The following NAV2 variants were observed in gnomAD, a reference collection of about 807,000 sequenced individuals.
The protein encoded by NAV2 is helicase, APC down-regulated 1.
NAV2 carries 54 observed loss-of-function variants against 223.2 expected under a neutral mutation model. That is an observed-to-expected ratio of 0.24 (90% CI 0.19 to 0.30). The LOEUF (loss-of-function observed/expected upper bound fraction) is 0.30, where lower values mean the gene tolerates loss of function less well. Among genes scored for constraint, NAV2 ranks in the 10% least tolerant of loss-of-function variants. The pLI is 1.00. For missense variants in NAV2, 2,806 were observed against 3,147.5 expected (o/e 0.89, Z 2.60); for synonymous variants, 1,279 against 1,239.3 (o/e 1.03, Z -0.67).
chr11:19,473,915 T>C (rs1028700621), intron 1 of NAV2, among the ~76,000 whole-genome samples: 4 of 152,366 alleles, frequency 2.6e-5, no homozygotes, highest in African/African-American at 7.2e-5. Flanking sequence ...TAAAAGGTTA[T>C]GACCTCCTTG....
Position 20,120,807 on chromosome 11 carries a change from T to C in NAV2, c.*2549T>C, listed in dbSNP as rs1161213427. 2 of 152,096 alleles carry C rather than the reference T, an allele frequency of 1.3e-5. No individual in the cohort carries two copies. Among genetic ancestry groups the C allele is most frequent in the Non-Finnish European group, 2.9e-5 (2 of 68,018 alleles). The allele number at this position is 152,096 out of a possible 1,614,324, so 9.4% of individuals were successfully genotyped here. A position where few individuals can be genotyped will look rare whatever the true frequency, so the allele number is the denominator to read the frequency against. On this transcript the variant is annotated 3_prime_UTR_variant, in exon 38 of 38. Coordinates refer to ENST00000349880, the MANE Select transcript of NAV2 (RefSeq NM_145117.5). ...GGTTGTCTAATATGCACATTTCTTA[T>C]TTTGGTCATATTTTTACTTTAGTGT...
chr11:19,345,984 C>G (rs542282493), upstream of NAV2, among the ~76,000 whole-genome samples: 3 of 152,050 alleles, frequency 2.0e-5, no homozygotes, highest in Non-Finnish European at 4.4e-5. The surrounding 1 kb of genome is among the most constrained non-coding windows in gnomAD (Gnocchi z 5.2). Context: ...GTCTGAATAC[C>G]GCTATTTGTG....
chr11:19,989,035 A>G (rs2051071744), intron 11 of NAV2, among the ~76,000 whole-genome samples: 4 of 152,358 alleles, frequency 2.6e-5, no homozygotes, highest in African/African-American at 7.2e-5. Flanking sequence ...TGAGAGCCAC[A>G]TAAGAGAAGC....
intron 1 of NAV2, among the ~76,000 whole-genome samples, chr11:19,773,013 A>G (rs2055841925): frequency 6.6e-6 from 1 of 152,210 alleles, no homozygotes; most frequent in African/African-American, 2.4e-5. Flanking sequence ...TAGTGAAGAA[A>G]AGAAGGTCCA....
rs1180082677 is a variant in NAV2, at chr11:19,879,991, C to G, written c.634C>G (p.Gln212Glu). The G allele has an allele frequency of 6.2e-7, 1 of 1,613,874 alleles. No homozygotes were observed. Among genetic ancestry groups the G allele is most frequent in the Non-Finnish European group, 8.5e-7 (1 of 1,179,896 alleles). Residue 212 changes from glutamine (Q) to glutamate (E), a missense_variant, in exon 5 of 38, where the codon CAG becomes GAG. Coordinates refer to ENST00000349880, the MANE Select transcript of NAV2 (RefSeq NM_145117.5). ...LSSPLPPAVS[Q>E]VAGAPSQCQA... is the part of the protein sequence containing the mutation. ...CTCACCTCTGCCGCCCGCCGTATCC[C>G]AGGTGGCCGGGGCCCCCTCCCAGTG...
At chr11:19,578,679 T>A (rs920759640) in intron 1 of NAV2, among the ~76,000 whole-genome samples, 1 of 152,258 alleles carries the variant, frequency 6.6e-6, no homozygotes, top group South Asian at 2.1e-4. Context: ...GTGCAATATG[T>A]TGACCATCTA....
intron 6 of NAV2, among the ~76,000 whole-genome samples, chr11:19,894,146 A>T (rs2153154237): frequency 6.6e-6 from 1 of 152,292 alleles, no homozygotes; most frequent in Non-Finnish European, 1.5e-5. Context: ...CCCCTATTTT[A>T]CGAAAGATGA....
rs78491223 is a variant in NAV2, at chr11:19,676,708, G to C, written c.76-155776G>C. Among the ~76,000 whole-genome samples the C allele has an allele frequency of 2.9e-4, 44 of 152,298 alleles. 2 individuals are homozygous for C. In the East Asian group the frequency reaches 8.5e-3, roughly 29 times the overall value. ...CCAGTGTGCTGGTGGTGTCATTGCT[G>C]TTGGCACTTTGGCTCTCAGAGAACC... is the stretch of plus-strand genomic sequence containing the variant. On this transcript the variant is annotated intron_variant, in intron 1 of 37. Coordinates refer to the NAV2 transcript ENST00000360655.
intron 11 of NAV2, among the ~76,000 whole-genome samples, chr11:20,026,254 C>G (rs974907013): frequency 1.3e-5 from 2 of 152,012 alleles, no homozygotes; most frequent in Admixed American, 6.6e-5. Context: ...TAAGCTGGTC[C>G]CAGAGCTGTA....
In NAV2 at chr11:20,091,028, C is replaced by T. The variant is rs751364290; in HGVS notation, c.5652+10C>T. 1.2e-6 allele frequency: 2 copies of T among 1,612,082 alleles called. No individual in the cohort carries two copies. The highest frequency in any genetic ancestry group is 1.7e-6 in the Non-Finnish European group (2 of 1,179,678). Reference sequence around the variant, plus strand: ...CATGAACAGGATGCAGGTGAGAGCCCAGGAGCATGGGCTGAGCTCAAGGCT... The same window carrying T: ...CATGAACAGGATGCAGGTGAGAGCCTAGGAGCATGGGCTGAGCTCAAGGCT... On this transcript the variant is annotated intron_variant, in intron 27 of 37. Coordinates refer to ENST00000349880, the MANE Select transcript of NAV2 (RefSeq NM_145117.5).
intron 35 of NAV2, 103 bp from the exon 36 acceptor site, chr11:20,107,561 G>T (rs745848259): frequency 2.3e-6 from 2 of 879,290 alleles, no homozygotes; most frequent in Admixed American, 1.9e-5. Context: ...CCCTCAGAAC[G>T]TCTAGGGTCC....
chr11:19,984,361 G>A, intron 11 of NAV2, 114 bp downstream of exon 11: 1 of 1,511,956 alleles, frequency 6.6e-7, no homozygotes, highest in East Asian at 2.3e-5. Context: ...CACAGAGAGG[G>A]AGGGGAGGCC....
At chr11:19,441,641 CT>C (rs1851407624) in intron 1 of NAV2, among the ~76,000 whole-genome samples, 1 of 152,168 alleles carries the variant, frequency 6.6e-6, no homozygotes, top group Admixed American at 6.5e-5. Context: ...TGGGCTGCTA[CT>C]TCTTATTTAT....
At chr11:20,034,359 T>TG (rs1564888790) in intron 11 of NAV2, among the ~76,000 whole-genome samples, 1 of 72,728 alleles carries the variant, frequency 1.4e-5, no homozygotes, top group Non-Finnish European at 3.2e-5. Context: ...AAGTTTTTTT[T>TG]TTGTTTTTTT....
At chr11:19,906,220 G>A (rs1167282737) in intron 6 of NAV2, among the ~76,000 whole-genome samples, 1 of 152,184 alleles carries the variant, frequency 6.6e-6, no homozygotes, top group African/African-American at 2.4e-5. Context: ...TATTCTTCTG[G>A]TGGTAGGTGA....
intron 1 of NAV2, among the ~76,000 whole-genome samples, chr11:19,828,467 C>G (rs941920321): frequency 2.5e-4 from 38 of 151,822 alleles, no homozygotes; most frequent in African/African-American, 8.5e-4. Flanking sequence ...TGGCTTATTT[C>G]ACTTAGAATT....
chr11:19,392,684 G>A (rs1240384436), intron 1 of NAV2, among the ~76,000 whole-genome samples: 1 of 152,154 alleles, frequency 6.6e-6, no homozygotes, highest in East Asian at 1.9e-4. Context: ...CTGGAAGGCT[G>A]GCCCATATAA....
At chr11:19,844,145 C>G (rs7120530) in intron 3 of NAV2, among the ~76,000 whole-genome samples, 1 of 151,992 alleles carries the variant, frequency 6.6e-6, no homozygotes, top group African/African-American at 2.4e-5. Context: ...TTTGGAAAAG[C>G]TGGGCTGCTA....
intron 1 of NAV2, among the ~76,000 whole-genome samples, chr11:19,573,070 G>A (rs145796891): frequency 5.7e-4 from 86 of 152,178 alleles, no homozygotes; most frequent in African/African-American, 1.9e-3. Context: ...TGAGGACTCC[G>A]TCTTGGCTCG....
Sources: allele counts gnomAD v4.1 joint callset (sites outside exome capture counted in the v4.1 genomes callset), GRCh38; gene constraint gnomAD v4.1.1; non-coding constraint Gnocchi (gnomAD v3.1); transcripts MANE v1.5; gene names NCBI Gene and HGNC (gene_info 2026-07-23, HGNC 2026-07-21).